Variants in THSD7B observed in about 807,000 individuals in gnomAD.
THSD7B encodes the protein thrombospondin type 1 domain containing 7B, also known as thrombospondin type-1 domain-containing protein 7B.
THSD7B carries 138 observed loss-of-function variants against 213.6 expected under a neutral mutation model. That is an observed-to-expected ratio of 0.65 (90% CI 0.56 to 0.74). THSD7B has a LOEUF of 0.74. THSD7B is among the 30% of genes least tolerant of loss of function. The pLI, the probability that THSD7B is intolerant of heterozygous loss-of-function variation, is 0.00. For missense variants in THSD7B, 1,931 were observed against 1,991.5 expected (o/e 0.97, Z 0.58); for synonymous variants, 742 against 687.0 (o/e 1.08, Z -1.25).
chr2:136,822,840 C>T (rs567994639), intron 1 of THSD7B, among the ~76,000 whole-genome samples: 3 of 152,194 alleles, frequency 2.0e-5, no homozygotes, highest in South Asian at 4.2e-4. Context: ...TTTAAAAACT[C>T]CCCAGGATAA....
chr2:137,321,726 C>T (rs868565886), intron 12 of THSD7B, among the ~76,000 whole-genome samples: 7 of 152,172 alleles, frequency 4.6e-5, no homozygotes, highest in South Asian at 2.1e-4. Flanking sequence ...TTCAAATGAA[C>T]GTTCCAGGAT....
At chr2:137,330,664 C>T (rs1208782466) in intron 12 of THSD7B, among the ~76,000 whole-genome samples, 3 of 152,056 alleles carry the variant, frequency 2.0e-5, no homozygotes, top group Non-Finnish European at 4.4e-5. Context: ...TCGCTGGCTT[C>T]AGGAGTGAAG....
intron 12 of THSD7B, among the ~76,000 whole-genome samples, chr2:137,331,995 C>T (rs1684523245): frequency 6.6e-6 from 1 of 152,198 alleles, no homozygotes; most frequent in Non-Finnish European, 1.5e-5. Flanking sequence ...TCTCCCTCCA[C>T]ACCTCCCTGC....
intron 15 of THSD7B, among the ~76,000 whole-genome samples, chr2:137,509,336 CTTTT>C (rs1488642426): frequency 7.2e-6 from 1 of 139,860 alleles, no homozygotes; most frequent in Non-Finnish European, 1.6e-5. Context: ...TTCTTTCTTT[CTTTT>C]TCTCTTTCTT....
At chr2:137,102,571 T>C (rs1688171111) in intron 4 of THSD7B, among the ~76,000 whole-genome samples, 2 of 152,136 alleles carry the variant, frequency 1.3e-5, no homozygotes. Flanking sequence ...CTTCAGAAGA[T>C]GGGTAATAAC....
At chr2:136,767,075 G>A (rs1411001847) in intron 1 of THSD7B, among the ~76,000 whole-genome samples, 1 of 152,102 alleles carries the variant, frequency 6.6e-6, no homozygotes, top group African/African-American at 2.4e-5. Flanking sequence ...AAGGGATACA[G>A]TTATTTGTCT....
chr2:137,223,211 G>A (rs1310574663), intron 7 of THSD7B, among the ~76,000 whole-genome samples: 1 of 152,166 alleles, frequency 6.6e-6, no homozygotes, highest in Non-Finnish European at 1.5e-5. Context: ...AGGTGGCTGT[G>A]AAGTATGTGG....
In THSD7B at chr2:137,126,200, A is replaced by G. The variant is rs537171791; in HGVS notation, c.1369+10907A>G. Among the ~76,000 whole-genome samples the G allele has an allele frequency of 1.5e-4, 23 of 152,310 alleles. 1 individual carries two copies. The highest frequency in any genetic ancestry group is 5.5e-4 in the African/African-American group (23 of 41,576). Reference sequence around the variant, plus strand: ...GCCTATCTTTTAAAGCTTTAGAGCCAGGCATTGACTTCTCCTCTTTAGCTA... The same window carrying G: ...GCCTATCTTTTAAAGCTTTAGAGCCGGGCATTGACTTCTCCTCTTTAGCTA... On this transcript the variant is annotated intron_variant, in intron 5 of 27. Transcript: ENST00000409968.
chr2:137,664,508 C>G (rs1683411433), intron 26 of THSD7B, among the ~76,000 whole-genome samples: 2 of 152,160 alleles, frequency 1.3e-5, no homozygotes, highest in South Asian at 4.1e-4. Flanking sequence ...TCGACTCTTA[C>G]TAAGTGCAGG....
At chr2:136,770,808 G>C (rs1180169146) in intron 1 of THSD7B, among the ~76,000 whole-genome samples, 3 of 151,936 alleles carry the variant, frequency 2.0e-5, no homozygotes, top group Non-Finnish European at 2.9e-5. Context: ...TAATATTTCT[G>C]GCTGTTAAAA....
chr2:137,458,084 G>C (rs1460601105), intron 15 of THSD7B, among the ~76,000 whole-genome samples: 1 of 152,172 alleles, frequency 6.6e-6, no homozygotes, highest in African/African-American at 2.4e-5. Context: ...AATCAGGACT[G>C]TAAGTGGATG....
intron 20 of THSD7B, among the ~76,000 whole-genome samples, chr2:137,636,400 T>C (rs1181257680): frequency 2.0e-5 from 3 of 152,232 alleles, no homozygotes; most frequent in African/African-American, 4.8e-5. Flanking sequence ...AAGTCAGCTA[T>C]GAAACATCAA....
chr2:136,868,420 G>C (rs1310114172), intron 1 of THSD7B, among the ~76,000 whole-genome samples: 1 of 152,096 alleles, frequency 6.6e-6, no homozygotes, highest in African/African-American at 2.4e-5. Flanking sequence ...AAAGATAATG[G>C]AAGAGACTGC....
intron 7 of THSD7B, among the ~76,000 whole-genome samples, chr2:137,230,806 A>G (rs1481083251): frequency 6.6e-6 from 1 of 152,212 alleles, no homozygotes. Flanking sequence ...TCCGTGGCTA[A>G]ATTGTTTCTG....
intron 2 of THSD7B, among the ~76,000 whole-genome samples, chr2:136,887,289 C>G (rs1683734599): frequency 2.7e-5 from 3 of 112,832 alleles, no homozygotes; most frequent in Non-Finnish European, 3.6e-5. Flanking sequence ...TAGAAGAAAA[C>G]TCCATATTTG....
intron 15 of THSD7B, among the ~76,000 whole-genome samples, chr2:137,494,522 T>C (rs534629047): frequency 2.1e-4 from 32 of 152,286 alleles, no homozygotes; most frequent in Non-Finnish European, 4.4e-4. Context: ...TGGATATTTC[T>C]GTGTTCCATT....
At chr2:137,309,803 A>G (rs548876546) in intron 12 of THSD7B, among the ~76,000 whole-genome samples, 3 of 152,032 alleles carry the variant, frequency 2.0e-5, no homozygotes, top group African/African-American at 7.2e-5. Context: ...GATGATTTCC[A>G]ATTTCATCCA....
intron 7 of THSD7B, among the ~76,000 whole-genome samples, chr2:137,195,570 A>G (rs899257907): frequency 2.0e-5 from 3 of 152,150 alleles, no homozygotes; most frequent in African/African-American, 7.2e-5. Flanking sequence ...GGCTAAATCT[A>G]TGACAATTTG....
intron 15 of THSD7B, among the ~76,000 whole-genome samples, chr2:137,497,297 G>T (rs1679592557): frequency 1.3e-5 from 2 of 151,384 alleles, no homozygotes; most frequent in South Asian, 2.1e-4. Flanking sequence ...TAACATTGAT[G>T]GTAAGATAAC....
Sources: allele counts gnomAD v4.1 joint callset (sites outside exome capture counted in the v4.1 genomes callset), GRCh38; gene constraint gnomAD v4.1.1; transcripts MANE v1.5; gene names NCBI Gene and HGNC (gene_info 2026-07-23, HGNC 2026-07-21).